The following SHANK2 variants were observed in gnomAD, a reference collection of about 807,000 sequenced individuals.
The protein encoded by SHANK2 is SH3 and multiple ankyrin repeat domains 2.
Under a neutral mutation model 133.7 loss-of-function variants are expected in SHANK2, and 43 were observed. The ratio of observed to expected loss-of-function variants is 0.32; its 90% confidence interval spans 0.25 to 0.41. SHANK2 has a LOEUF of 0.41. SHANK2 is among the 10% of genes least tolerant of loss of function. The pLI is 1.00. For synonymous variants in SHANK2, 1,017 were observed against 952.8 expected, an observed-to-expected ratio of 1.07 and a Z score of -1.24; for missense variants, 1,994 against 2,235.8, an observed-to-expected ratio of 0.89 and a Z score of 2.18.
chr11:70,592,429 C>T (rs894663814), intron 17 of SHANK2, among the ~76,000 whole-genome samples: 4 of 152,170 alleles, frequency 2.6e-5, no homozygotes, highest in African/African-American at 4.8e-5. Context: ...TTGGGTGGGA[C>T]GTGGCCACCA....
At chr11:70,851,685 A>T (rs911428246) in intron 11 of SHANK2, among the ~76,000 whole-genome samples, 2 of 152,338 alleles carry the variant, frequency 1.3e-5, no homozygotes, top group South Asian at 2.1e-4. Context: ...CAAACTTTTT[A>T]AAAAACTTAG....
At chr11:70,735,878 C>T (rs1369770740) in intron 14 of SHANK2, among the ~76,000 whole-genome samples, 1 of 151,926 alleles carries the variant, frequency 6.6e-6, no homozygotes, top group Non-Finnish European at 1.5e-5. Context: ...GCTGCGTGGT[C>T]ATGCTCTCCA....
At chr11:70,872,894 C>T in intron 11 of SHANK2, 1 of 417,118 alleles carries the variant, frequency 2.4e-6, no homozygotes, top group Non-Finnish European at 5.0e-6. Context: ...CCCTGTAGAG[C>T]CCAGCTCCTC....
At chr11:71,118,031 G>A (rs2135262243) in intron 4 of SHANK2, among the ~76,000 whole-genome samples, 1 of 152,236 alleles carries the variant, frequency 6.6e-6, no homozygotes, top group South Asian at 2.1e-4. Flanking sequence ...ACATCCAGCT[G>A]GTGTCTGGAG....
chr11:70,485,367 C>T lies in SHANK2; in HGVS notation c.4926G>A (p.Pro1642=), dbSNP rs150021463. Reference sequence around the variant, plus strand: ...CCATTGGTGAATCCAGTCCTTCCCCCGGCTTTGCCAATTTCTCTCGGTTCA... The same window carrying T: ...CCATTGGTGAATCCAGTCCTTCCCCTGGCTTTGCCAATTTCTCTCGGTTCA... ...QQMNREKLAK[P]GEGLDSPMGA... is the part of the protein sequence containing the mutation. The change falls in exon 25 of 26, where the codon CCG becomes CCA. Residue 1642 remains proline (P), a synonymous_variant. Transcript: ENST00000601538. The surrounding 1 kb of genome is among the most constrained non-coding windows in gnomAD (Gnocchi z 5.8). The T allele has an allele frequency of 8.0e-4, 1,295 of 1,614,014 alleles. 6 individuals are homozygous for T. The highest frequency in any genetic ancestry group is 1.2e-3 in the Middle Eastern group (7 of 6,060).
chr11:70,589,996 A>G (rs782725076), intron 17 of SHANK2, among the ~76,000 whole-genome samples: 2 of 152,190 alleles, frequency 1.3e-5, no homozygotes, highest in Middle Eastern at 3.4e-3. Context: ...TACTAAAAAT[A>G]CAAAAAAAAT....
At chr11:71,131,325 G>A (rs1952302416) in intron 3 of SHANK2, among the ~76,000 whole-genome samples, 1 of 152,214 alleles carries the variant, frequency 6.6e-6, no homozygotes, top group African/African-American at 2.4e-5. Flanking sequence ...GGGAAATGTG[G>A]GGTGACCTCG....
At chr11:70,625,209 G>A (rs1447542474) in intron 17 of SHANK2, among the ~76,000 whole-genome samples, 1 of 152,186 alleles carries the variant, frequency 6.6e-6, no homozygotes. Flanking sequence ...GGGAAAGTGG[G>A]GATAAGTCCC....
intron 1 of SHANK2, among the ~76,000 whole-genome samples, chr11:71,237,776 G>A (rs1555123901): frequency 6.6e-6 from 1 of 152,104 alleles, no homozygotes; most frequent in Non-Finnish European, 1.5e-5. Context: ...CCCTTCCCAG[G>A]CTCCCCACCT....
intron 2 of SHANK2, among the ~76,000 whole-genome samples, chr11:71,219,101 C>A (rs149490749): frequency 1.2e-4 from 19 of 152,296 alleles, no homozygotes; most frequent in South Asian, 8.3e-4. Flanking sequence ...TTTAGAGAAG[C>A]CAGATGAGGA....
At chr11:70,908,383 A>G (rs1368285526) in intron 10 of SHANK2, among the ~76,000 whole-genome samples, 2 of 152,104 alleles carry the variant, frequency 1.3e-5, no homozygotes, top group Non-Finnish European at 2.9e-5. Context: ...GCTTCCTTAC[A>G]CGGTGTCCTC....
At chr11:71,057,431 C>T (rs988755192) in intron 9 of SHANK2, among the ~76,000 whole-genome samples, 22 of 152,172 alleles carry the variant, frequency 1.4e-4, no homozygotes, top group African/African-American at 1.4e-4. Context: ...CTAATAAAGG[C>T]TTAAAGTCTA....
At chr11:70,737,153 G>C (rs1016938279) in intron 14 of SHANK2, among the ~76,000 whole-genome samples, 1 of 152,216 alleles carries the variant, frequency 6.6e-6, no homozygotes, top group Non-Finnish European at 1.5e-5. Context: ...CACCCTGGTG[G>C]AGTCAGGTCC....
intron 17 of SHANK2, among the ~76,000 whole-genome samples, chr11:70,623,100 C>T (rs1554998469): frequency 6.6e-6 from 1 of 152,068 alleles, no homozygotes; most frequent in African/African-American, 2.4e-5. Flanking sequence ...GGCGTGAACC[C>T]GGGAGGCGGA....
At position 70,502,777 on chromosome 11, in the gene SHANK2, G is replaced by A; in HGVS notation, c.2197+19C>T. 3.1e-6 allele frequency: 5 copies of A among 1,595,322 alleles called. No homozygotes were observed. The South Asian group carries it at 4.5e-5, about 14-fold the overall frequency. On this transcript the variant is annotated intron_variant, in intron 18 of 25. Coordinates refer to ENST00000601538, the MANE Select transcript of SHANK2 (RefSeq NM_012309.5). ...CCAGTAGGGCCCCAGGCTGGAGCTGGGCGATGTGGGGCATGTACCTTTCTT... is the reference window on the plus strand; with the variant it reads ...CCAGTAGGGCCCCAGGCTGGAGCTGAGCGATGTGGGGCATGTACCTTTCTT...
intron 2 of SHANK2, among the ~76,000 whole-genome samples, chr11:71,193,624 C>G (rs966987095): frequency 6.6e-6 from 1 of 152,214 alleles, no homozygotes; most frequent in Non-Finnish European, 1.5e-5. Flanking sequence ...GCCTGCTCCC[C>G]GTCCAGAGCT....
At chr11:70,896,791 A>T (rs1449210435) in intron 10 of SHANK2, among the ~76,000 whole-genome samples, 1 of 152,114 alleles carries the variant, frequency 6.6e-6, no homozygotes, top group African/African-American at 2.4e-5. Context: ...TTGCTCTACA[A>T]CCTATATGAG....
intron 12 of SHANK2, among the ~76,000 whole-genome samples, chr11:70,816,067 G>C (rs2135320275): frequency 6.6e-6 from 1 of 152,258 alleles, no homozygotes; most frequent in African/African-American, 2.4e-5. Flanking sequence ...CAGCCAGCGG[G>C]GTCTTTCTAC....
At chr11:70,822,134 C>A (rs1948537442) in intron 11 of SHANK2, among the ~76,000 whole-genome samples, 1 of 152,270 alleles carries the variant, frequency 6.6e-6, no homozygotes, top group East Asian at 1.9e-4. Context: ...ACCACCATCA[C>A]TGGGGGGCCA....
Sources: gnomAD v4.1 joint callset for allele counts (sites outside exome capture counted in the v4.1 genomes callset) on GRCh38, gnomAD v4.1.1 for gene constraint, Gnocchi (gnomAD v3.1) non-coding constraint, MANE v1.5 for transcripts, NCBI Gene and HGNC (gene_info 2026-07-23, HGNC 2026-07-21) for gene names.